DLGAP4: variants seen among roughly 807,000 people sequenced by gnomAD.
DLGAP4 encodes the protein disks large-associated protein 4.
Under a neutral mutation model 86.9 loss-of-function variants are expected in DLGAP4, and 18 were observed. The ratio of observed to expected loss-of-function variants is 0.21; its 90% CI spans 0.14 to 0.31. DLGAP4 has a LOEUF of 0.31. DLGAP4 is among the 10% of genes least tolerant of loss of function. DLGAP4 has a pLI of 1.00. For synonymous variants in DLGAP4, 548 were observed against 574.3 expected, an observed-to-expected ratio of 0.95 and a Z score of 0.65; for missense variants, 1,085 against 1,362.6, an observed-to-expected ratio of 0.80 and a Z score of 3.21.
At chr20:36,519,426 CTG>C (rs1491175844) in intron 10 of DLGAP4, among the ~76,000 whole-genome samples, 4 of 152,262 alleles carry the variant, frequency 2.6e-5, no homozygotes, top group African/African-American at 9.6e-5. Flanking sequence ...AGTTTTCTGT[CTG>C]TGTGCGTGCG....
intron 7 of DLGAP4, among the ~76,000 whole-genome samples, chr20:36,471,896 AGAC>A (rs2034681133): frequency 6.6e-6 from 1 of 152,186 alleles, no homozygotes; most frequent in African/African-American, 2.4e-5. Context: ...AGAACATACA[AGAC>A]GAGAGAAAAA....
chr20:36,424,841 T>C (rs2032931934), intron 2 of DLGAP4, among the ~76,000 whole-genome samples: 2 of 152,050 alleles, frequency 1.3e-5, no homozygotes, highest in South Asian at 4.2e-4. Context: ...ATTGAAGTGA[T>C]TCTCCTGCCT....
chr20:36,449,142 C>T (rs542936669), intron 7 of DLGAP4, among the ~76,000 whole-genome samples: 108 of 152,306 alleles, frequency 7.1e-4, no homozygotes, highest in African/African-American at 2.4e-3. Context: ...CTTTCTCGCA[C>T]CCTGCAGGGT....
At chr20:36,447,003 AG>A (rs2033609985) in intron 7 of DLGAP4, 66 bp downstream of exon 7, 1 of 1,533,080 alleles carries the variant, frequency 6.5e-7, no homozygotes, top group Admixed American at 1.9e-5. Flanking sequence ...CCATACCTGG[AG>A]GGCCAGCCTG....
At chr20:36,374,882 A>T (rs1055752749) in intron 2 of DLGAP4, among the ~76,000 whole-genome samples, 1 of 152,244 alleles carries the variant, frequency 6.6e-6, no homozygotes, top group Non-Finnish European at 1.5e-5. Flanking sequence ...GAGGGCAGGC[A>T]GAAGCCTGCA....
intron 10 of DLGAP4, among the ~76,000 whole-genome samples, chr20:36,519,024 G>A (rs989367372): frequency 6.6e-6 from 1 of 151,938 alleles, no homozygotes. Context: ...GACTGAGGCA[G>A]GAGAATCGCT....
intron 7 of DLGAP4, among the ~76,000 whole-genome samples, chr20:36,454,383 G>T (rs1181221852): frequency 6.6e-6 from 1 of 151,890 alleles, no homozygotes; most frequent in Non-Finnish European, 1.5e-5. Context: ...CCAGAAATTT[G>T]TCATAATAAT....
chr20:36,380,920 C>T (rs2031367749), intron 2 of DLGAP4, among the ~76,000 whole-genome samples: 1 of 152,160 alleles, frequency 6.6e-6, no homozygotes, highest in Non-Finnish European at 1.5e-5. Flanking sequence ...GCCTACTTCT[C>T]TTTTGCCAGA....
At position 36,439,642 on chromosome 20, in the gene DLGAP4, G is replaced by T. The variant is rs1309550299; in HGVS notation, c.1242-112G>T. 3.5e-6 allele frequency: 3 copies of T among 863,908 alleles called. No individual in the cohort carries two copies. The African/African-American group carries it at 5.0e-5, about 14-fold the overall frequency. 53.5% of individuals were successfully genotyped at this position (863,908 alleles called of 1,614,324 possible). On this transcript the variant is annotated intron_variant, in intron 4 of 12. Transcript: ENST00000339266. ...AAGCTGGTGCTGCCACCCTGCGGCT[G>T]CAGCGGGCATCACAGGTGTGGACCA...
intron 1 of DLGAP4, among the ~76,000 whole-genome samples, chr20:36,363,410 T>G (rs542520437): frequency 6.6e-6 from 1 of 152,150 alleles, no homozygotes; most frequent in South Asian, 2.1e-4. Flanking sequence ...GGGAGCAAGG[T>G]CAGAAGCAGG....
chr20:36,522,665 T>C (rs1426813713), intron 10 of DLGAP4, among the ~76,000 whole-genome samples: 1 of 152,158 alleles, frequency 6.6e-6, no homozygotes, highest in Non-Finnish European at 1.5e-5. Context: ...ATTACAGGCA[T>C]GGGCCACCAC....
intron 7 of DLGAP4, among the ~76,000 whole-genome samples, chr20:36,467,434 G>A (rs1345591351): frequency 6.6e-6 from 1 of 152,212 alleles, no homozygotes; most frequent in Non-Finnish European, 1.5e-5. Context: ...GCTCTGGCTG[G>A]AAAATCTGGG....
Position 36,527,098 on chromosome 20 carries a change from A to G in DLGAP4, c.*67A>G, listed in dbSNP as rs967755534. On this transcript the variant is annotated 3_prime_UTR_variant, in exon 13 of 13. Coordinates refer to ENST00000339266, the MANE Select transcript of DLGAP4 (RefSeq NM_001365621.2). The stretch of plus-strand genomic sequence containing the variant: ...CACAAAAACTAAGTGCGAACGGAAC[A>G]GAGTTTTCTCAACCTTTGCTATGGT... 4 of 1,449,884 alleles carry G rather than the reference A, an allele frequency of 2.8e-6. No homozygotes were observed. In the African/African-American group the frequency reaches 4.3e-5, roughly 15 times the overall value. 89.8% of individuals were successfully genotyped at this position (1,449,884 alleles called of 1,614,324 possible).
At chr20:36,482,108 T>C (rs1385351557) in intron 7 of DLGAP4, among the ~76,000 whole-genome samples, 1 of 152,188 alleles carries the variant, frequency 6.6e-6, no homozygotes, top group Non-Finnish European at 1.5e-5. Flanking sequence ...CCTGCACTAT[T>C]CGTCTCATCC....
At position 36,407,779 on chromosome 20, in the gene DLGAP4, T is replaced by G. The variant is rs964099762; in HGVS notation, c.-72-23867T>G. On this transcript the variant is annotated intron_variant, in intron 2 of 12. Transcript: ENST00000339266. Reference sequence around the variant, plus strand: ...AGGCAGAGGAAACACACAAACAGCCTGGAGGGAGCGTGTCCTGGGAAGAGT... The same window carrying G: ...AGGCAGAGGAAACACACAAACAGCCGGGAGGGAGCGTGTCCTGGGAAGAGT... Among the ~76,000 whole-genome samples the G allele has an allele frequency of 2.0e-5, 3 of 152,128 alleles. No individual in the cohort carries two copies. In the East Asian group the frequency reaches 5.8e-4, roughly 29 times the overall value.
chr20:36,458,142 T>G (rs1159670451), intron 7 of DLGAP4, among the ~76,000 whole-genome samples: 1 of 151,990 alleles, frequency 6.6e-6, no homozygotes, highest in Non-Finnish European at 1.5e-5. Flanking sequence ...CAACTTTGTC[T>G]TTTGGCTCTG....
At chr20:36,519,041 C>T (rs1467732939) in intron 10 of DLGAP4, among the ~76,000 whole-genome samples, 5 of 151,490 alleles carry the variant, frequency 3.3e-5, no homozygotes, top group African/African-American at 9.7e-5. Context: ...CGCTTGAACC[C>T]GGGAGGCAGA....
chr20:36,419,931 C>T (rs1488179904), intron 2 of DLGAP4, among the ~76,000 whole-genome samples: 3 of 152,248 alleles, frequency 2.0e-5, no homozygotes, highest in East Asian at 3.9e-4. Context: ...TGGGGACCAC[C>T]GGGGTGTATC....
At chr20:36,347,969 A>G (rs782810413) in intron 1 of DLGAP4, among the ~76,000 whole-genome samples, 6 of 152,128 alleles carry the variant, frequency 3.9e-5, no homozygotes, top group Non-Finnish European at 5.9e-5. Context: ...TGTGCCTTCC[A>G]TAGAATGGAG....
Sources: gnomAD v4.1 joint callset for allele counts (sites outside exome capture counted in the v4.1 genomes callset) on GRCh38, gnomAD v4.1.1 for gene constraint, MANE v1.5 for transcripts, NCBI Gene and HGNC (gene_info 2026-07-23, HGNC 2026-07-21) for gene names.